THRB: variants seen among roughly 807,000 people sequenced by gnomAD.
THRB encodes nuclear receptor subfamily 1 group A member 2.
Under a neutral mutation model 47.8 loss-of-function variants are expected in THRB, and 12 were observed. The ratio of observed to expected loss-of-function variants is 0.25; its 90% confidence interval spans 0.16 to 0.41. The LOEUF (loss-of-function observed/expected upper bound fraction) is 0.41. Among genes scored for constraint, THRB ranks in the 10% least tolerant of loss-of-function variants. The pLI, the probability that THRB is intolerant of heterozygous loss-of-function variation, is 1.00. For missense variants in THRB, 348 were observed against 589.2 expected, an observed-to-expected ratio of 0.59 and a Z score of 4.24; for synonymous variants, 218 against 212.2, an observed-to-expected ratio of 1.03 and a Z score of -0.24.
intron 3 of THRB, among the ~76,000 whole-genome samples, chr3:24,242,276 G>A (rs555224135): frequency 6.6e-6 from 1 of 152,310 alleles, no homozygotes; most frequent in South Asian, 2.1e-4. Context: ...GGAGGGGGAA[G>A]GGCATTTCTG....
At chr3:24,323,779 G>A (rs896047509) in intron 2 of THRB, among the ~76,000 whole-genome samples, 1 of 152,172 alleles carries the variant, frequency 6.6e-6, no homozygotes, top group Non-Finnish European at 1.5e-5. Flanking sequence ...AATTAAGTAT[G>A]GGAGTCAATC....
intron 3 of THRB, among the ~76,000 whole-genome samples, chr3:24,292,961 T>C (rs1308737832): frequency 1.3e-5 from 2 of 152,224 alleles, no homozygotes; most frequent in African/African-American, 4.8e-5. Context: ...ATTTAAAATT[T>C]AGTCAATTTT....
In THRB at chr3:24,479,634, C is replaced by T. The variant is rs73823310; in HGVS notation, c.-261+15018G>A. On this transcript the variant is annotated intron_variant, in intron 1 of 10. Transcript: ENST00000646209. Reference sequence around the variant, plus strand: ...TCAAGGGATCCCTCTTTAGTAGATCCCAAATCAAATGCTGGTGTGGTCAGC... The same window carrying T: ...TCAAGGGATCCCTCTTTAGTAGATCTCAAATCAAATGCTGGTGTGGTCAGC... Among the ~76,000 whole-genome samples the T allele has an allele frequency of 7.1e-3, 1,085 of 152,260 alleles. 12 individuals carry two copies. The highest frequency in any genetic ancestry group is 0.02 in the African/African-American group (824 of 41,540).
At chr3:24,437,617 A>C (rs2125357902) in intron 1 of THRB, among the ~76,000 whole-genome samples, 1 of 152,260 alleles carries the variant, frequency 6.6e-6, no homozygotes, top group South Asian at 2.1e-4. Context: ...CACACGTATC[A>C]AAAGACCACA....
At chr3:24,458,460 A>G (rs2074000683) in intron 1 of THRB, 1 of 152,234 alleles carries the variant, frequency 6.6e-6, no homozygotes, top group South Asian at 2.1e-4. Context: ...AGGAGCTTTG[A>G]AGAATACCCC....
chr3:24,174,115 C>T (rs1017801915), intron 5 of THRB, among the ~76,000 whole-genome samples: 10 of 152,098 alleles, frequency 6.6e-5, no homozygotes, highest in African/African-American at 1.2e-4. Context: ...TGGTTTGCTG[C>T]ACCTGTCAAC....
At chr3:24,435,831 C>G (rs1384108084) in intron 1 of THRB, among the ~76,000 whole-genome samples, 1 of 152,198 alleles carries the variant, frequency 6.6e-6, no homozygotes, top group Non-Finnish European at 1.5e-5. Context: ...CCTCCCCCTC[C>G]GCGGCCCTTC....
At chr3:24,340,843 T>A (rs1156713499) in intron 1 of THRB, among the ~76,000 whole-genome samples, 1 of 152,228 alleles carries the variant, frequency 6.6e-6, no homozygotes, top group Non-Finnish European at 1.5e-5. Flanking sequence ...TGATAGCAGA[T>A]AAATGGAATC....
At chr3:24,254,762 C>T (rs546668128) in intron 3 of THRB, among the ~76,000 whole-genome samples, 1 of 152,320 alleles carries the variant, frequency 6.6e-6, no homozygotes, top group South Asian at 2.1e-4. Context: ...TGCATATACC[C>T]AAACAAAGGC....
chr3:24,336,230 G>T (rs1389779457), intron 2 of THRB, among the ~76,000 whole-genome samples: 1 of 152,218 alleles, frequency 6.6e-6, no homozygotes, highest in Non-Finnish European at 1.5e-5. Context: ...CCAAGGGAGG[G>T]CCTGGGCACT....
At chr3:24,231,325 A>C (rs2048240983) in intron 3 of THRB, among the ~76,000 whole-genome samples, 1 of 152,184 alleles carries the variant, frequency 6.6e-6, no homozygotes, top group African/African-American at 2.4e-5. Flanking sequence ...TCAAAATTCC[A>C]ATTGAATAGG....
chr3:24,457,829 T>C (rs1033990762), intron 1 of THRB: 39 of 152,310 alleles, frequency 2.6e-4, no homozygotes, highest in African/African-American at 9.4e-4. Flanking sequence ...AAACAGCAGA[T>C]CAGATTTCCC....
In THRB at chr3:24,190,161, A is replaced by C. The variant is rs750270307; in HGVS notation, c.196T>G (p.Ser66Ala). The change falls in exon 5 of 11, where the codon TCA (serine) becomes GCA (alanine). Residue 66 changes from serine to alanine, a missense_variant. By Grantham distance (99) the Ser-to-Ala change is moderately conservative (BLOSUM62 1). Coordinates refer to ENST00000646209, the MANE Select transcript of THRB (RefSeq NM_001354712.2). ...TCATCATGGTCCAGATGGAATATTG[A>C]GCTAGTCCAAGTGGTCTGGATGAGA... is the stretch of plus-strand genomic sequence containing the variant. The part of the protein sequence containing the change: ...PHLIQTTWTS[S>A]IFHLDHDDVN... The C allele has an allele frequency of 1.5e-5, 25 of 1,613,976 alleles. No homozygotes were observed. The highest frequency in any genetic ancestry group is 2.1e-5 in the Non-Finnish European group (25 of 1,179,986).
chr3:24,470,777 C>T (rs35611707), intron 1 of THRB, among the ~76,000 whole-genome samples: 44,034 of 151,788 alleles, frequency 0.29, 6,395 homozygotes, highest in East Asian at 0.36. Flanking sequence ...CCACCATGCC[C>T]GGCTAATTTT....
At chr3:24,133,617 C>A (rs1236002171) in intron 8 of THRB, among the ~76,000 whole-genome samples, 155 bp from the exon 9 acceptor site, 3 of 152,044 alleles carry the variant, frequency 2.0e-5, no homozygotes, top group South Asian at 2.1e-4. Flanking sequence ...GTTTACACAT[C>A]TTTGAGTAAA....
At chr3:24,284,461 C>G (rs2055013551) in intron 3 of THRB, among the ~76,000 whole-genome samples, 1 of 151,554 alleles carries the variant, frequency 6.6e-6, no homozygotes, top group South Asian at 2.1e-4. Context: ...AACGTTAGAC[C>G]TAAAACCATA....
At chr3:24,400,530 A>G (rs2067308135) in intron 1 of THRB, among the ~76,000 whole-genome samples, 1 of 152,098 alleles carries the variant, frequency 6.6e-6, no homozygotes, top group African/African-American at 2.4e-5. Context: ...ACACTCAAAA[A>G]GAGTTCAAGG....
chr3:24,263,553 A>G (rs1362783272), intron 3 of THRB, among the ~76,000 whole-genome samples: 1 of 150,828 alleles, frequency 6.6e-6, no homozygotes, highest in Non-Finnish European at 1.5e-5. Context: ...ATTTTTGGAG[A>G]TTATACTGGA....
At chr3:24,372,791 A>C (rs576027009) in intron 1 of THRB, among the ~76,000 whole-genome samples, 1 of 152,244 alleles carries the variant, frequency 6.6e-6, no homozygotes, top group South Asian at 2.1e-4. Context: ...TGGAGTCAAG[A>C]CTGGAATGCT....
Sources: gnomAD v4.1 joint callset for allele counts (sites outside exome capture counted in the v4.1 genomes callset) on GRCh38, gnomAD v4.1.1 for gene constraint, MANE v1.5 for transcripts, NCBI Gene and HGNC (gene_info 2026-07-23, HGNC 2026-07-21) for gene names.